The following SYCP2L variants were observed in gnomAD, a reference collection of about 807,000 sequenced individuals.
SYCP2L encodes the protein synaptonemal complex protein 2 like, also known as synaptonemal complex protein 2-like.
Under a neutral mutation model 125.8 loss-of-function variants are expected in SYCP2L, and 98 were observed. That is an observed-to-expected ratio of 0.78 (90% CI 0.66 to 0.92). SYCP2L has a LOEUF of 0.92. Ranked by LOEUF, SYCP2L falls within the 40% of genes least tolerant of loss-of-function variation. The pLI is 0.00. For missense variants in SYCP2L, 842 were observed against 936.4 expected (o/e 0.90, Z 1.32); for synonymous variants, 317 against 325.4 (o/e 0.97, Z 0.28).
intron 1 of SYCP2L, among the ~76,000 whole-genome samples, 185 bp downstream of exon 1, chr6:10,887,320 G>A (rs567116144): frequency 6.6e-6 from 1 of 152,338 alleles, no homozygotes; most frequent in African/African-American, 2.4e-5. Flanking sequence ...GGGAGACCAG[G>A]CAGAATAGAA....
At chr6:10,930,329 A>G in intron 18 of SYCP2L, 41 bp from the exon 19 acceptor site, 1 of 1,590,560 alleles carries the variant, frequency 6.3e-7, no homozygotes, top group Non-Finnish European at 8.5e-7. Context: ...AGAGGCACTA[A>G]CACCCCTCTA....
intron 8 of SYCP2L, 30 bp downstream of exon 8, chr6:10,902,993 T>C: frequency 1.3e-6 from 2 of 1,572,846 alleles, no homozygotes; most frequent in Non-Finnish European, 1.7e-6. Context: ...TTACGTGCTG[T>C]AGTAAGGGTA....
rs946522346 is a variant in SYCP2L, at chr6:10,956,182, C to T, written c.2103C>T (p.Asn701=). Reference sequence around the variant, plus strand: ...TAGAAGTTGTGCCAGAGAACTTGAACGGTTCTGCCATTCTCCCAACCTTTG... The same window carrying T: ...TAGAAGTTGTGCCAGAGAACTTGAATGGTTCTGCCATTCTCCCAACCTTTG... ...SSLEVVPENL[N]GSAILPTFEN... The change falls in exon 25 of 30, where the codon AAC becomes AAT. Residue 701 remains asparagine (N), a synonymous_variant. Coordinates refer to ENST00000283141, the MANE Select transcript of SYCP2L (RefSeq NM_001040274.3). 7.4e-6 allele frequency: 12 copies of T among 1,613,950 alleles called. No homozygotes were observed. The highest frequency in any genetic ancestry group is 4.5e-5 in the East Asian group (2 of 44,868).
At chr6:10,940,952 C>A (rs937452085) in intron 21 of SYCP2L, among the ~76,000 whole-genome samples, 8 of 152,044 alleles carry the variant, frequency 5.3e-5, no homozygotes, top group Non-Finnish European at 1.0e-4. Flanking sequence ...CCTTAAGGTG[C>A]CGATCTAGTT....
chr6:10,969,007 A>G (rs965309282), intron 29 of SYCP2L, among the ~76,000 whole-genome samples: 13 of 152,294 alleles, frequency 8.5e-5, no homozygotes, highest in Admixed American at 2.6e-4. Flanking sequence ...TCTTAGATGC[A>G]GTCTCTTGAA....
chr6:10,938,820 A>G (rs1401389659), intron 21 of SYCP2L, among the ~76,000 whole-genome samples: 1 of 152,178 alleles, frequency 6.6e-6, no homozygotes, highest in Non-Finnish European at 1.5e-5. Context: ...CTGTCTAAGA[A>G]AGAAATCAAG....
chr6:10,891,423 T>G, intron 1 of SYCP2L, 90 bp from the exon 2 acceptor site: 1 of 586,810 alleles, frequency 1.7e-6, no homozygotes, highest in South Asian at 2.6e-5. Context: ...CTTTAATTTT[T>G]TTTTTTTTTT....
chr6:10,963,916 C>A, intron 29 of SYCP2L, 73 bp downstream of exon 29: 3 of 1,121,580 alleles, frequency 2.7e-6, no homozygotes, highest in Non-Finnish European at 3.9e-6. Flanking sequence ...CTAAAAGATA[C>A]TGTAATGCTT....
At chr6:10,899,500 A>T (rs1780342112) in intron 6 of SYCP2L, among the ~76,000 whole-genome samples, 1 of 152,288 alleles carries the variant, frequency 6.6e-6, no homozygotes, top group South Asian at 2.1e-4. Context: ...GTGAGTCATG[A>T]TCGTGCCACT....
intron 14 of SYCP2L, among the ~76,000 whole-genome samples, chr6:10,923,203 T>G (rs900433488): frequency 5.3e-5 from 8 of 152,094 alleles, no homozygotes; most frequent in African/African-American, 1.9e-4. Context: ...TTCCTGGACT[T>G]TGCTGCCTTT....
intron 20 of SYCP2L, among the ~76,000 whole-genome samples, chr6:10,934,479 G>A (rs1781057084): frequency 6.6e-6 from 1 of 152,194 alleles, no homozygotes; most frequent in Admixed American, 6.5e-5. Flanking sequence ...AGGAGTTTGA[G>A]GCCAGCCTGG....
intron 9 of SYCP2L, among the ~76,000 whole-genome samples, chr6:10,907,288 A>T (rs182135969): frequency 1.3e-3 from 203 of 152,052 alleles, no homozygotes; most frequent in Non-Finnish European, 2.1e-3. Context: ...GGTTGCAGTG[A>T]GTCGAGATTG....
intron 20 of SYCP2L, 24 bp downstream of exon 20, chr6:10,931,513 C>T: frequency 1.9e-6 from 3 of 1,606,862 alleles, no homozygotes; most frequent in South Asian, 1.1e-5. Context: ...ATCTGGGTTG[C>T]TGTGTGCCCT....
intron 2 of SYCP2L, among the ~76,000 whole-genome samples, chr6:10,891,907 GAACA>G (rs1457496810): frequency 8.5e-5 from 13 of 152,270 alleles, no homozygotes; most frequent in African/African-American, 3.1e-4. Context: ...AGATGATACT[GAACA>G]AACTAGAAAC....
intron 20 of SYCP2L, among the ~76,000 whole-genome samples, chr6:10,933,265 A>G (rs372455740): frequency 2.0e-5 from 3 of 152,210 alleles, no homozygotes; most frequent in South Asian, 2.1e-4. Context: ...GAGCCATGCA[A>G]TCTCTTTGGC....
intron 14 of SYCP2L, among the ~76,000 whole-genome samples, chr6:10,921,790 C>G (rs1780803650): frequency 6.6e-6 from 1 of 151,900 alleles, no homozygotes; most frequent in Non-Finnish European, 1.5e-5. Flanking sequence ...ACTGCAAGCT[C>G]CGCCTCCTGG....
intron 23 of SYCP2L, among the ~76,000 whole-genome samples, chr6:10,943,995 A>C (rs898423615): frequency 3.3e-5 from 5 of 152,204 alleles, no homozygotes; most frequent in South Asian, 4.1e-4. Flanking sequence ...TGTTAGAAAT[A>C]ATGCCACTAT....
intron 29 of SYCP2L, among the ~76,000 whole-genome samples, chr6:10,965,220 G>A (rs1561703553): frequency 6.6e-6 from 1 of 152,162 alleles, no homozygotes; most frequent in Non-Finnish European, 1.5e-5. Context: ...CAAGTTGGTG[G>A]TTCTAAGCAG....
rs771312169 is a variant in SYCP2L at position 10,907,647 on chromosome 6, A to C, written c.782A>C (p.Glu261Ala). Residue 261 changes from glutamate (E) to alanine (A), a missense_variant, in exon 10 of 30, where the codon GAA becomes GCA. Transcript: ENST00000283141. ...TGGTTTGATGATGAAGTCATTGCTG[A>C]AGCTTTCAAAGAAATTAAGGATCGA... ...HKWFDDEVIA[E>A]AFKEIKDREF... 1 of 1,612,652 alleles carries C rather than the reference A, an allele frequency of 6.2e-7. No homozygotes were observed. The highest frequency in any genetic ancestry group is 2.2e-5 in the East Asian group (1 of 44,856).
Sources: allele counts gnomAD v4.1 joint callset (sites outside exome capture counted in the v4.1 genomes callset), GRCh38; gene constraint gnomAD v4.1.1; transcripts MANE v1.5; gene names NCBI Gene and HGNC (gene_info 2026-07-23, HGNC 2026-07-21).